FNBP4: variants seen among roughly 807,000 people sequenced by gnomAD.
FNBP4 encodes formin-binding protein 4.
A neutral mutation model predicts 119.3 loss-of-function variants in FNBP4; 34 were observed. The observed-to-expected ratio is 0.28, with a 90% CI of 0.22 to 0.38. The LOEUF is 0.38. FNBP4 is among the 10% of genes least tolerant of loss of function. The pLI is 1.00. For synonymous variants in FNBP4, 462 were observed against 430.6 expected (o/e 1.07, Z -0.90); for missense variants, 1,112 against 1,228.9 (o/e 0.90, Z 1.42).
Position 47,750,984 on chromosome 11 carries a change from T to C in FNBP4, c.838A>G (p.Lys280Glu), listed in dbSNP as rs774266288. 6.2e-7 allele frequency: 1 copy of C among 1,613,944 alleles called. No homozygotes were observed. The highest frequency in any genetic ancestry group is 2.2e-5 in the East Asian group (1 of 44,876). The change falls in exon 6 of 17, where the codon AAG becomes GAG. Residue 280 changes from lysine to glutamate, a missense_variant. Physicochemically the swap from Lys to Glu is moderately conservative, Grantham distance 56 (BLOSUM62 1). Transcript: ENST00000263773. Reference protein sequence around the residue: ...SFVVNTDIYSKEKTISVSSSK... With the variant: ...SFVVNTDIYSEEKTISVSSSK... ...CTGGAAACAGAAATCGTTTTCTCCTTAGAATATATGTCTGTATTTACCACA... is the reference window on the plus strand; with the variant it reads ...CTGGAAACAGAAATCGTTTTCTCCTCAGAATATATGTCTGTATTTACCACA...
At position 47,731,376 on chromosome 11, in the gene FNBP4, G is replaced by A; in HGVS notation, c.2006C>T (p.Thr669Ile). 1.9e-6 allele frequency: 3 copies of A among 1,608,734 alleles called. No homozygotes were observed. The highest frequency in any genetic ancestry group is 2.5e-6 in the Non-Finnish European group (3 of 1,178,184). ...TAGTACAAGGTAAATTGTCTCACCTGTGGAAGTTTCAGAGGATTCTGTTGA... is the reference window on the plus strand; with the variant it reads ...TAGTACAAGGTAAATTGTCTCACCTATGGAAGTTTCAGAGGATTCTGTTGA... Reference protein sequence around the residue: ...SNSTESSETSTGSLCKESFSG... With the variant: ...SNSTESSETSIGSLCKESFSG... Residue 669 changes from threonine to isoleucine, a missense_variant and splice_region_variant, in exon 12 of 17, where the codon ACA (threonine) becomes ATA (isoleucine). Coordinates refer to ENST00000263773, the MANE Select transcript of FNBP4 (RefSeq NM_015308.5).
Position 47,717,545 on chromosome 11 carries a change from A to G in FNBP4, c.2964-33T>C, listed in dbSNP as rs759753281. The G allele has an allele frequency of 5.4e-6, 8 of 1,471,250 alleles. No homozygotes were observed. In the Admixed American group the frequency reaches 1.3e-4, roughly 24 times the overall value. 91.1% of individuals were successfully genotyped at this position (1,471,250 alleles called of 1,614,324 possible). A position where few individuals can be genotyped will look rare whatever the true frequency, so the allele number is the denominator to read the frequency against. On this transcript the variant is annotated intron_variant, in intron 16 of 16. Transcript: ENST00000263773. ...AACAACATACAGATTATTTTAGTGG[A>G]AAGAAAAATTAACAAAAGTATTCAT...
At position 47,753,619 on chromosome 11, in the gene FNBP4, C is replaced by G. The variant is rs533802544; in HGVS notation, c.451-517G>C. Among the ~76,000 whole-genome samples the G allele has an allele frequency of 7.3e-5, 11 of 150,070 alleles. No individual in the cohort carries two copies. In the East Asian group the frequency reaches 2.1e-3, roughly 29 times the overall value. On this transcript the variant is annotated intron_variant, in intron 3 of 16. Transcript: ENST00000263773. ...GAGCAAGACTCTGTCTCAAAAAAAA[C>G]AAAAAACAAAAAAAAAAGAATACAA... is the stretch of plus-strand genomic sequence containing the variant.
At chr11:47,744,200 CTGCTTA>C in intron 7 of FNBP4, 37 bp from the exon 8 acceptor site, 2 of 1,500,432 alleles carry the variant, frequency 1.3e-6, no homozygotes, top group African/African-American at 1.4e-5. Flanking sequence ...GTGTCATTAA[CTGCTTA>C]TTAATATGTA....
intron 14 of FNBP4, among the ~76,000 whole-genome samples, chr11:47,723,599 C>T (rs947418214): frequency 5.9e-5 from 9 of 152,140 alleles, no homozygotes; most frequent in South Asian, 2.1e-4. Flanking sequence ...TTTGCTCTGT[C>T]GCCCAGACTG....
intron 12 of FNBP4, chr11:47,725,819 T>C (rs1005364567): frequency 1.8e-5 from 18 of 979,426 alleles, no homozygotes; most frequent in Non-Finnish European, 1.9e-5. Flanking sequence ...CCCAGGAATG[T>C]TGAAGGGGAT....
Position 47,731,464 on chromosome 11 carries a change from C to T in FNBP4, c.1918G>A (p.Glu640Lys), listed in dbSNP as rs758139997. ...TTGGCAAGAGTCTCATCTCTATTTT[C>T]TTGTGCTTGGCTTTCTTCTTCTTCC... ...EEEEEESQAQ[E>K]NRDETLAKQT... The change falls in exon 12 of 17, where the codon GAA (glutamate) becomes AAA (lysine). Residue 640 changes from glutamate (E) to lysine (K), a missense_variant. By Grantham distance (56) the Glu-to-Lys change is moderately conservative. Transcript: ENST00000263773. 1 of 1,614,032 alleles carries T rather than the reference C, an allele frequency of 6.2e-7. No homozygotes were observed. Among genetic ancestry groups the T allele is most frequent in the South Asian group, 1.1e-5 (1 of 91,062 alleles).
chr11:47,744,308 C>T (rs2097586307), intron 7 of FNBP4, 145 bp from the exon 8 acceptor site: 3 of 719,066 alleles, frequency 4.2e-6, no homozygotes, highest in Non-Finnish European at 6.9e-6. Context: ...GGCTCTCCCT[C>T]TGTTGCCCAG....
intron 12 of FNBP4, chr11:47,729,538 T>TG: frequency 6.1e-6 from 6 of 982,440 alleles, no homozygotes; most frequent in Non-Finnish European, 7.3e-6. Flanking sequence ...GACAGGGTCT[T>TG]GTTCTCTGTC....
At chr11:47,748,096 C>T (rs1055656461) in intron 6 of FNBP4, among the ~76,000 whole-genome samples, 2 of 151,258 alleles carry the variant, frequency 1.3e-5, no homozygotes, top group Non-Finnish European at 1.5e-5. Flanking sequence ...AAAAATTAGC[C>T]GGGCGTGGGA....
chr11:47,731,513 C>T lies in FNBP4; in HGVS notation c.1869G>A (p.Gln623=), dbSNP rs772601786. The part of the protein sequence containing the change: ...FYVNEQSGES[Q]WEFPDGEEEE... ...CCTCTTCACCATCTGGAAACTCCCA[C>T]TGAGACTCGCCCGACTGTTCGTTTA... Residue 623 remains glutamine, a synonymous_variant, in exon 12 of 17, where the codon CAG becomes CAA. Transcript: ENST00000263773. 16 of 1,613,948 alleles carry T rather than the reference C, an allele frequency of 9.9e-6. No homozygotes were observed. The East Asian group carries it at 3.6e-4, about 36-fold the overall frequency.
chr11:47,729,875 C>G (rs890788146), intron 12 of FNBP4: 6 of 985,280 alleles, frequency 6.1e-6, no homozygotes, highest in Non-Finnish European at 7.2e-6. Flanking sequence ...CAAGTTTATC[C>G]TGCAATTCTA....
intron 6 of FNBP4, among the ~76,000 whole-genome samples, chr11:47,748,711 G>A (rs1051534520): frequency 8.6e-5 from 13 of 151,850 alleles, no homozygotes; most frequent in Admixed American, 8.5e-4. Context: ...GTGCAGTGGT[G>A]CGGTCTCAGC....
intron 8 of FNBP4, among the ~76,000 whole-genome samples, chr11:47,742,449 G>C (rs2097583388): frequency 8.9e-6 from 1 of 112,634 alleles, no homozygotes; most frequent in Non-Finnish European, 1.7e-5. Context: ...CTGCACTCCA[G>C]GCTGGGGGAC....
chr11:47,754,109 C>A (rs1022808278), intron 3 of FNBP4, among the ~76,000 whole-genome samples: 1 of 151,800 alleles, frequency 6.6e-6, no homozygotes, highest in Non-Finnish European at 1.5e-5. Flanking sequence ...GGTGCACATA[C>A]CTGTAGCCTC....
At position 47,723,282 on chromosome 11, in the gene FNBP4, T is replaced by C. The variant is rs1237036907; in HGVS notation, c.2499A>G (p.Thr833=). 5.0e-6 allele frequency: 8 copies of C among 1,612,256 alleles called. No homozygotes were observed. Among genetic ancestry groups the C allele is most frequent in the Non-Finnish European group, 6.8e-6 (8 of 1,178,522 alleles). The part of the protein sequence containing the change: ...HQAAGIGNQA[T]GIGHQTIPVS... Reference sequence around the variant, plus strand: ...CTGGTATTGTCTGATGTCCAATTCCTGTTGCCTGGTTTCCAATCCCTGCTG... The same window carrying C: ...CTGGTATTGTCTGATGTCCAATTCCCGTTGCCTGGTTTCCAATCCCTGCTG... The change falls in exon 15 of 17, where the codon ACA becomes ACG. Residue 833 remains threonine (T), a synonymous_variant. Transcript: ENST00000263773.
chr11:47,718,282 C>T (rs1485506776), intron 16 of FNBP4, among the ~76,000 whole-genome samples: 5 of 151,870 alleles, frequency 3.3e-5, no homozygotes, highest in Admixed American at 2.0e-4. Flanking sequence ...GGCACAATCT[C>T]GGCTCACTGC....
At chr11:47,755,141 TAA>T (rs35333558) in intron 2 of FNBP4, among the ~76,000 whole-genome samples, 447 of 122,570 alleles carry the variant, frequency 3.6e-3, no homozygotes, top group Admixed American at 3.8e-3. Context: ...CTCCGGGGGT[TAA>T]AAAAAAAAAA....
intron 8 of FNBP4, 120 bp from the exon 9 acceptor site, chr11:47,736,860 A>C (rs1252863062): frequency 1.0e-6 from 1 of 965,896 alleles, no homozygotes; most frequent in African/African-American, 1.7e-5. Context: ...TGCCTGTTTT[A>C]CTTACTTGTT....
Sources: gnomAD v4.1 joint callset for allele counts (sites outside exome capture counted in the v4.1 genomes callset) on GRCh38, gnomAD v4.1.1 for gene constraint, MANE v1.5 for transcripts, NCBI Gene and HGNC (gene_info 2026-07-23, HGNC 2026-07-21) for gene names.